The following ERBB4 variants were observed in gnomAD, a reference collection of about 807,000 sequenced individuals.
ERBB4 encodes erb-b2 receptor tyrosine kinase 4, also known as receptor tyrosine-protein kinase erbB-4.
A neutral mutation model predicts 158.0 loss-of-function variants in ERBB4; 42 were observed. That is an observed-to-expected ratio of 0.27 (90% confidence interval 0.21 to 0.34). The LOEUF is 0.34. Ranked by LOEUF, ERBB4 falls within the 10% of genes least tolerant of loss-of-function variation. The pLI, the probability that ERBB4 is intolerant of heterozygous loss-of-function variation, is 1.00. For synonymous variants in ERBB4, 583 were observed against 558.7 expected (o/e 1.04, Z -0.61); for missense variants, 1,333 against 1,624.1 (o/e 0.82, Z 3.08).
chr2:212,250,093 G>A (rs573950039), intron 1 of ERBB4, among the ~76,000 whole-genome samples: 1 of 151,964 alleles, frequency 6.6e-6, no homozygotes, highest in Non-Finnish European at 1.5e-5. Flanking sequence ...AATTTATTGG[G>A]GCTTAATTCT....
At chr2:212,448,476 A>G (rs910369815) in intron 1 of ERBB4, among the ~76,000 whole-genome samples, 1 of 152,206 alleles carries the variant, frequency 6.6e-6, no homozygotes, top group African/African-American at 2.4e-5. Context: ...GTATTCAGCC[A>G]TGTGTATAAT....
chr2:211,965,120 A>C (rs574010820), intron 2 of ERBB4, among the ~76,000 whole-genome samples: 1 of 152,204 alleles, frequency 6.6e-6, no homozygotes, highest in South Asian at 2.1e-4. Context: ...AATACCATGA[A>C]ATAATGTGTT....
chr2:212,270,259 T>C (rs933489341), intron 1 of ERBB4, among the ~76,000 whole-genome samples: 1 of 151,786 alleles, frequency 6.6e-6, no homozygotes, highest in Non-Finnish European at 1.5e-5. Flanking sequence ...GAAAAAATGT[T>C]AGTATATGCT....
At chr2:211,452,131 T>C (rs1326890083) in intron 20 of ERBB4, among the ~76,000 whole-genome samples, 1 of 152,206 alleles carries the variant, frequency 6.6e-6, no homozygotes, top group Non-Finnish European at 1.5e-5. Context: ...ATATTTCTGC[T>C]TAAGAATTTT....
At position 212,444,851 on chromosome 2, in the gene ERBB4, G is replaced by T. The variant is rs537008108; in HGVS notation, c.82+93598C>A. Among the ~76,000 whole-genome samples, 230 of 152,104 alleles carry T rather than the reference G, an allele frequency of 1.5e-3. 2 individuals are homozygous for T. Among genetic ancestry groups the T allele is most frequent in the Admixed American group, 4.9e-3 (75 of 15,268 alleles). The stretch of plus-strand genomic sequence containing the variant: ...TCAGCCAGCTACCTGGTGGCAGGTT[G>T]ATTATATTGGACCTCTTCCATCATG... On this transcript the variant is annotated intron_variant, in intron 1 of 27. Coordinates refer to ENST00000342788, the MANE Select transcript of ERBB4 (RefSeq NM_005235.3).
chr2:212,404,058 AC>A (rs1268919924), intron 1 of ERBB4, among the ~76,000 whole-genome samples: 1 of 151,890 alleles, frequency 6.6e-6, no homozygotes, highest in East Asian at 1.9e-4. Flanking sequence ...TTTTTAAGTA[AC>A]CCCCTAAATA....
Position 211,386,934 on chromosome 2 carries a change from C to G in ERBB4, c.3400G>C (p.Val1134Leu), listed in dbSNP as rs139785964. The change falls in exon 27 of 28, where the codon GTG becomes CTG. Residue 1134 changes from valine (V) to leucine (L), a missense_variant. Physicochemically the swap from Val to Leu is conservative, Grantham distance 32. Coordinates refer to ENST00000342788, the MANE Select transcript of ERBB4 (RefSeq NM_005235.3). ...CGTGGGCTCCGTTCTGGGGCAAACACGGTGGGGTCAGCACTGTACCTCTGG... is the reference window on the plus strand; with the variant it reads ...CGTGGGCTCCGTTCTGGGGCAAACAGGGTGGGGTCAGCACTGTACCTCTGG... ...STQRYSADPT[V>L]FAPERSPRGE... 1.2e-6 allele frequency: 2 copies of G among 1,614,010 alleles called. No individual in the cohort carries two copies. Among genetic ancestry groups the G allele is most frequent in the African/African-American group, 2.7e-5 (2 of 74,910 alleles).
intron 19 of ERBB4, among the ~76,000 whole-genome samples, chr2:211,600,607 A>G (rs1355883289): frequency 3.9e-5 from 6 of 152,218 alleles, no homozygotes. Context: ...ATATCTCTTT[A>G]TTCAGAGTAC....
intron 3 of ERBB4, among the ~76,000 whole-genome samples, chr2:211,927,774 T>A (rs1023459526): frequency 5.9e-5 from 9 of 152,260 alleles, no homozygotes; most frequent in African/African-American, 2.2e-4. Flanking sequence ...TGGTTGGTTT[T>A]CATTATCTAG....
intron 3 of ERBB4, among the ~76,000 whole-genome samples, chr2:211,924,078 GC>G (rs1383433546): frequency 6.6e-6 from 1 of 152,020 alleles, no homozygotes; most frequent in South Asian, 2.1e-4. Context: ...TTTCAAGTTT[GC>G]CATTCTCATG....
intron 20 of ERBB4, among the ~76,000 whole-genome samples, chr2:211,498,583 A>G (rs2065534510): frequency 6.6e-6 from 1 of 152,118 alleles, no homozygotes; most frequent in African/African-American, 2.4e-5. Context: ...GCTTTGCTTT[A>G]GGACCATTTT....
At chr2:211,774,807 T>C (rs983926721) in intron 4 of ERBB4, among the ~76,000 whole-genome samples, 1 of 152,202 alleles carries the variant, frequency 6.6e-6, no homozygotes, top group Non-Finnish European at 1.5e-5. Flanking sequence ...TTTATTAATA[T>C]TGGGCTGTTA....
At chr2:212,093,233 T>C (rs2078832244) in intron 2 of ERBB4, among the ~76,000 whole-genome samples, 1 of 152,226 alleles carries the variant, frequency 6.6e-6, no homozygotes, top group African/African-American at 2.4e-5. Context: ...ACAATTTGGA[T>C]TTGCTTATCA....
intron 1 of ERBB4, among the ~76,000 whole-genome samples, chr2:212,416,125 G>A (rs2091644785): frequency 6.6e-6 from 1 of 152,128 alleles, no homozygotes; most frequent in African/African-American, 2.4e-5. Flanking sequence ...TTGCTAGTGT[G>A]ATTGAAGAGA....
intron 1 of ERBB4, among the ~76,000 whole-genome samples, chr2:212,526,508 T>C (rs960674859): frequency 2.0e-5 from 3 of 152,062 alleles, no homozygotes; most frequent in Non-Finnish European, 4.4e-5. Flanking sequence ...CCGAATACGT[T>C]TTTAAAGGTT....
At chr2:211,966,423 G>T (rs2081313416) in intron 2 of ERBB4, among the ~76,000 whole-genome samples, 1 of 151,896 alleles carries the variant, frequency 6.6e-6, no homozygotes, top group African/African-American at 2.4e-5. Context: ...TGTATTTTTA[G>T]TAGAGACGGG....
rs554304657 is a variant in ERBB4 at position 211,907,841 on chromosome 2, C to CTGA, written c.421+39586_421+39588dup. 5.3e-5 allele frequency among the ~76,000 whole-genome samples: 8 copies of CTGA among 151,764 alleles called. No homozygotes were observed. The South Asian group carries it at 1.3e-3, about 24-fold the overall frequency. On this transcript the variant is annotated intron_variant, in intron 3 of 27. Transcript: ENST00000342788. ...ACACAGGTATACAATTAATTTGGCA[C>CTGA]TGATAGGTATTTAAGTTTGGGAGTT...
intron 1 of ERBB4, among the ~76,000 whole-genome samples, chr2:212,176,802 T>C (rs1227131287): frequency 6.6e-6 from 1 of 151,942 alleles, no homozygotes; most frequent in Non-Finnish European, 1.5e-5. Flanking sequence ...TCTACGTGTA[T>C]GTATACTTCG....
chr2:211,454,647 C>T (rs1300257862), intron 20 of ERBB4, among the ~76,000 whole-genome samples: 2 of 152,226 alleles, frequency 1.3e-5, no homozygotes, highest in Middle Eastern at 3.4e-3. Context: ...GAAAAAGTAA[C>T]AGAAGATGTC....
Sources: allele counts gnomAD v4.1 joint callset (sites outside exome capture counted in the v4.1 genomes callset), GRCh38; gene constraint gnomAD v4.1.1; transcripts MANE v1.5; gene names NCBI Gene and HGNC (gene_info 2026-07-23, HGNC 2026-07-21).